RPTOR: variants seen among roughly 807,000 people sequenced by gnomAD.
RPTOR encodes the protein regulatory associated protein of MTOR complex 1, also known as regulatory-associated protein of mTOR.
RPTOR carries 21 observed loss-of-function variants against 169.9 expected under a neutral mutation model. The observed-to-expected ratio is 0.12, with a 90% CI of 0.09 to 0.18. The LOEUF (loss-of-function observed/expected upper bound fraction) is 0.18, where lower values mean the gene tolerates loss of function less well. Among genes scored for constraint, RPTOR ranks in the 10% least tolerant of loss-of-function variants. RPTOR has a pLI of 1.00. For synonymous variants in RPTOR, 732 were observed against 753.2 expected (o/e 0.97, Z 0.46); for missense variants, 1,133 against 1,855.9 (o/e 0.61, Z 7.16).
chr17:80,859,867 G>A (rs531484750), intron 13 of RPTOR, among the ~76,000 whole-genome samples: 31 of 152,336 alleles, frequency 2.0e-4, no homozygotes, highest in African/African-American at 6.3e-4. Flanking sequence ...CTGGTGAGGC[G>A]CCGCCCACAG....
At chr17:80,722,966 G>A (rs1452262257) in intron 4 of RPTOR, among the ~76,000 whole-genome samples, 1 of 151,354 alleles carries the variant, frequency 6.6e-6, no homozygotes, top group African/African-American at 2.5e-5. Flanking sequence ...TGTCTTTCAT[G>A]ACCATGACAT....
At chr17:80,822,350 G>A (rs778483719) in intron 8 of RPTOR, 49 bp downstream of exon 8, 15 of 1,555,112 alleles carry the variant, frequency 9.6e-6, no homozygotes, top group African/African-American at 4.1e-5. Flanking sequence ...CCTTGAGTGC[G>A]CGGGGAGCCG....
At position 80,791,167 on chromosome 17, in the gene RPTOR, C is replaced by T. The variant is rs77506636; in HGVS notation, c.831-283C>T. Among the ~76,000 whole-genome samples the T allele has an allele frequency of 3.9e-3, 596 of 152,272 alleles. 5 individuals carry two copies. Among genetic ancestry groups the T allele is most frequent in the African/African-American group, 0.013 (523 of 41,548 alleles). ...GGAGACTGAGCTTTATTAAGCATCT[C>T]GGCGCTCCTCTCCAGGGACCGGGCT... On this transcript the variant is annotated intron_variant, in intron 6 of 33. Coordinates refer to ENST00000306801, the MANE Select transcript of RPTOR (RefSeq NM_020761.3).
At chr17:80,760,995 T>C (rs2066731689) in intron 6 of RPTOR, among the ~76,000 whole-genome samples, 1 of 152,266 alleles carries the variant, frequency 6.6e-6, no homozygotes. Flanking sequence ...TCTAATTTTT[T>C]TTCATTTTTG....
intron 3 of RPTOR, among the ~76,000 whole-genome samples, chr17:80,661,397 G>A (rs1477412467): frequency 6.6e-6 from 1 of 152,168 alleles, no homozygotes; most frequent in African/African-American, 2.4e-5. Flanking sequence ...AGCTCTCTAG[G>A]TCTCAGCAGA....
intron 1 of RPTOR, among the ~76,000 whole-genome samples, chr17:80,547,195 G>A (rs2084287147): frequency 6.6e-6 from 1 of 152,122 alleles, no homozygotes; most frequent in South Asian, 2.1e-4. Context: ...GCATTTTAAG[G>A]AGTTAAATAA....
At chr17:80,771,888 C>T (rs139353058) in intron 6 of RPTOR, among the ~76,000 whole-genome samples, 1,527 of 152,360 alleles carry the variant, frequency 0.01, 21 homozygotes, top group African/African-American at 0.03. Flanking sequence ...GAGGCAGTCA[C>T]AGCTCACTGC....
intron 5 of RPTOR, among the ~76,000 whole-genome samples, chr17:80,733,186 T>A (rs1420606671): frequency 1.3e-5 from 2 of 152,194 alleles, no homozygotes; most frequent in African/African-American, 4.8e-5. Flanking sequence ...AGAAGACGAC[T>A]TCATCAAAGC....
intron 21 of RPTOR, among the ~76,000 whole-genome samples, chr17:80,920,513 C>A (rs1250135447): frequency 1.3e-5 from 2 of 152,226 alleles, no homozygotes; most frequent in Non-Finnish European, 2.9e-5. Flanking sequence ...AGAATTCATG[C>A]CGAGGCCCGG....
At chr17:80,955,107 A>G (rs1412579241) in intron 28 of RPTOR, among the ~76,000 whole-genome samples, 1 of 150,456 alleles carries the variant, frequency 6.6e-6, no homozygotes, top group Non-Finnish European at 1.5e-5. Context: ...CATTGTGGAG[A>G]TTGGCAGTTC....
At chr17:80,689,820 A>G (rs991945090) in intron 3 of RPTOR, among the ~76,000 whole-genome samples, 5 of 152,184 alleles carry the variant, frequency 3.3e-5, no homozygotes, top group African/African-American at 1.2e-4. Flanking sequence ...TCAATAGAAA[A>G]CATATTTTTC....
rs757101291 is a variant in RPTOR at position 80,707,957 on chromosome 17, G to T, written c.465G>T (p.Val155=). ...RVLFHYNGHG[V]PRPTVNGEVW... Reference sequence around the variant, plus strand: ...TCTTTCACTACAATGGCCACGGGGTGCCCCGGCCCACAGTCAACGGGGAGG... The same window carrying T: ...TCTTTCACTACAATGGCCACGGGGTTCCCCGGCCCACAGTCAACGGGGAGG... Residue 155 remains valine, a synonymous_variant, in exon 4 of 34, where the codon GTG becomes GTT. Transcript: ENST00000306801. The surrounding 1 kb of genome is among the most constrained non-coding windows in gnomAD (Gnocchi z 5.0). 6.2e-7 allele frequency: 1 copy of T among 1,613,774 alleles called. No individual in the cohort carries two copies. The highest frequency in any genetic ancestry group is 8.5e-7 in the Non-Finnish European group (1 of 1,180,000).
chr17:80,930,741 A>T (rs1418984488), intron 24 of RPTOR, among the ~76,000 whole-genome samples: 5 of 152,188 alleles, frequency 3.3e-5, no homozygotes, highest in Non-Finnish European at 1.5e-5. Context: ...GAAGTGGGAG[A>T]CGTAGCTTCT....
chr17:80,886,407 G>A (rs765959666), intron 17 of RPTOR, among the ~76,000 whole-genome samples: 29 of 152,194 alleles, frequency 1.9e-4, no homozygotes, highest in Non-Finnish European at 3.2e-4. Context: ...TTGCCATCAC[G>A]TTCTCCTCGT....
intron 9 of RPTOR, 65 bp from the exon 10 acceptor site, chr17:80,837,857 G>T: frequency 6.7e-7 from 1 of 1,482,422 alleles, no homozygotes; most frequent in South Asian, 1.2e-5. Context: ...CCTGTGCCCT[G>T]TGAAGTGGCC....
intron 32 of RPTOR, 40 bp downstream of exon 32, chr17:80,962,617 G>C: frequency 6.5e-7 from 1 of 1,541,700 alleles, no homozygotes; most frequent in Non-Finnish European, 8.9e-7. Context: ...CCGCTCACCC[G>C]CCTCGGGCCT....
intron 5 of RPTOR, chr17:80,743,291 A>G: frequency 2.0e-6 from 2 of 985,548 alleles, no homozygotes; most frequent in Non-Finnish European, 2.4e-6. Flanking sequence ...CCGGGGGTGA[A>G]GGCACCCATC....
intron 7 of RPTOR, among the ~76,000 whole-genome samples, chr17:80,798,311 A>G (rs1033982576): frequency 6.6e-6 from 1 of 152,218 alleles, no homozygotes; most frequent in African/African-American, 2.4e-5. Context: ...GCCACACAGA[A>G]GGACACCACG....
intron 25 of RPTOR, among the ~76,000 whole-genome samples, chr17:80,943,109 C>T (rs923612682): frequency 2.0e-5 from 3 of 152,192 alleles, no homozygotes; most frequent in South Asian, 2.1e-4. Context: ...CCCGAGGTGC[C>T]GAGCACACAC....
Sources: gnomAD v4.1 joint callset for allele counts (sites outside exome capture counted in the v4.1 genomes callset) on GRCh38, gnomAD v4.1.1 for gene constraint, Gnocchi (gnomAD v3.1) non-coding constraint, MANE v1.5 for transcripts, NCBI Gene and HGNC (gene_info 2026-07-23, HGNC 2026-07-21) for gene names.